Variants in NXPH1 observed in about 807,000 individuals in gnomAD.
The protein encoded by NXPH1 is neurexophilin-1.
Under a neutral mutation model 23.7 loss-of-function variants are expected in NXPH1, and 5 were observed. That is an observed-to-expected ratio of 0.21 (90% CI 0.11 to 0.44). The LOEUF (loss-of-function observed/expected upper bound fraction) is 0.44, where lower values mean the gene tolerates loss of function less well. Among genes scored for constraint, NXPH1 ranks in the 20% least tolerant of loss-of-function variants. The pLI is 0.99. For missense variants in NXPH1, 324 were observed against 321.6 expected, an observed-to-expected ratio of 1.01 and a Z score of -0.06; for synonymous variants, 144 against 122.2, an observed-to-expected ratio of 1.18 and a Z score of -1.18.
chr7:8,563,369 T>C (rs1818481415), intron 2 of NXPH1, among the ~76,000 whole-genome samples: 1 of 151,770 alleles, frequency 6.6e-6, no homozygotes, highest in South Asian at 2.1e-4. Context: ...TTAGAGCTCT[T>C]TGAGAATGCC....
chr7:8,640,855 G>A (rs1820296950), intron 2 of NXPH1, among the ~76,000 whole-genome samples: 1 of 152,074 alleles, frequency 6.6e-6, no homozygotes, highest in African/African-American at 2.4e-5. Flanking sequence ...TCATGGGGCT[G>A]GGGCTGTTGG....
intron 2 of NXPH1, among the ~76,000 whole-genome samples, chr7:8,461,835 T>TGAAAAAAAAA (rs1816701262): frequency 3.4e-5 from 1 of 29,844 alleles, no homozygotes; most frequent in African/African-American, 8.4e-4. Flanking sequence ...AGACTCCGTC[T>TGAAAAAAAAA]CAAAAAAAAA....
In NXPH1 at chr7:8,727,022, G is replaced by T. The variant is rs1780067749; in HGVS notation, c.55-23986G>T. ...GTTGTTTCCTGACTTTTTAATGATT[G>T]TCATTCTAACTGGTGTGAGATGGTA... On this transcript the variant is annotated intron_variant, in intron 2 of 2. Coordinates refer to ENST00000405863, the MANE Select transcript of NXPH1 (RefSeq NM_152745.3). Among the ~76,000 whole-genome samples the T allele has an allele frequency of 2.7e-5, 4 of 146,244 alleles. No homozygotes were observed. In the South Asian group the frequency reaches 8.9e-4, roughly 33 times the overall value.
intron 2 of NXPH1, among the ~76,000 whole-genome samples, chr7:8,532,281 A>G (rs1212331581): frequency 6.6e-6 from 1 of 152,158 alleles, no homozygotes; most frequent in Non-Finnish European, 1.5e-5. Flanking sequence ...GGAACAACAC[A>G]GGATATAATT....
At chr7:8,695,848 C>T (rs1013100990) in intron 2 of NXPH1, among the ~76,000 whole-genome samples, 2 of 152,256 alleles carry the variant, frequency 1.3e-5, no homozygotes, top group East Asian at 1.9e-4. Context: ...TGAGATTAAA[C>T]GTGGTTCCTA....
intron 2 of NXPH1, among the ~76,000 whole-genome samples, chr7:8,553,307 C>G (rs547897002): frequency 2.2e-4 from 32 of 148,358 alleles, no homozygotes; most frequent in Non-Finnish European, 3.9e-4. Context: ...AATGAAAGTT[C>G]CAATTTTTTT....
At chr7:8,744,671 A>G (rs1013975633) in intron 2 of NXPH1, among the ~76,000 whole-genome samples, 5 of 152,192 alleles carry the variant, frequency 3.3e-5, no homozygotes, top group Non-Finnish European at 5.9e-5. Flanking sequence ...ATGACTTCCC[A>G]CAGGCGCTTA....
intron 2 of NXPH1, among the ~76,000 whole-genome samples, chr7:8,558,181 T>A (rs1051906451): frequency 1.4e-4 from 22 of 151,784 alleles, no homozygotes; most frequent in Non-Finnish European, 2.7e-4. Context: ...GGTTTCTTTA[T>A]TATCTATCAG....
chr7:8,528,550 T>C (rs1817901213), intron 2 of NXPH1, among the ~76,000 whole-genome samples: 1 of 152,244 alleles, frequency 6.6e-6, no homozygotes, highest in Non-Finnish European at 1.5e-5. Context: ...TAAGAGTCTT[T>C]ATCTGAAAGG....
At chr7:8,627,304 T>G (rs1043326689) in intron 2 of NXPH1, among the ~76,000 whole-genome samples, 2 of 152,148 alleles carry the variant, frequency 1.3e-5, no homozygotes, top group Non-Finnish European at 2.9e-5. Context: ...AACTACTTGT[T>G]AGTCTAGAAA....
At chr7:8,686,816 A>C (rs568579570) in intron 2 of NXPH1, among the ~76,000 whole-genome samples, 5 of 152,234 alleles carry the variant, frequency 3.3e-5, no homozygotes, top group African/African-American at 1.2e-4. Flanking sequence ...GATAAACTGG[A>C]ACTGTTGTCA....
At chr7:8,452,969 A>C (rs1295221355) in intron 2 of NXPH1, among the ~76,000 whole-genome samples, 2 of 152,112 alleles carry the variant, frequency 1.3e-5, no homozygotes, top group Non-Finnish European at 2.9e-5. Flanking sequence ...TTTTCTGGGG[A>C]AAGTCTCATC....
chr7:8,512,268 T>A (rs1260648488), intron 2 of NXPH1, among the ~76,000 whole-genome samples: 1 of 152,162 alleles, frequency 6.6e-6, no homozygotes, highest in Non-Finnish European at 1.5e-5. Context: ...GAAGGGGTTA[T>A]GAGCTAGATC....
At chr7:8,579,859 TG>T (rs1818832338) in intron 2 of NXPH1, among the ~76,000 whole-genome samples, 2 of 152,086 alleles carry the variant, frequency 1.3e-5, no homozygotes, top group East Asian at 3.8e-4. Context: ...TTAAATCCAT[TG>T]GGGGGCATCT....
At chr7:8,540,229 C>T (rs1818092478) in intron 2 of NXPH1, among the ~76,000 whole-genome samples, 1 of 151,806 alleles carries the variant, frequency 6.6e-6, no homozygotes, top group East Asian at 2.0e-4. Context: ...TCTCCCAATA[C>T]CATGGGAGAG....
intron 2 of NXPH1, among the ~76,000 whole-genome samples, chr7:8,610,464 A>G (rs571342630): frequency 6.6e-6 from 1 of 152,292 alleles, no homozygotes; most frequent in South Asian, 2.1e-4. Flanking sequence ...GACATTTCAG[A>G]AAACATAACT....
chr7:8,613,888 T>C (rs1247905310), intron 2 of NXPH1, among the ~76,000 whole-genome samples: 1 of 151,840 alleles, frequency 6.6e-6, no homozygotes, highest in African/African-American at 2.4e-5. Context: ...ATAAATCACA[T>C]ATAGACTGAA....
intron 2 of NXPH1, among the ~76,000 whole-genome samples, chr7:8,605,619 A>T (rs778899486): frequency 2.0e-4 from 31 of 152,130 alleles, no homozygotes; most frequent in African/African-American, 5.3e-4. Flanking sequence ...TGTCATTATC[A>T]TGCATATAAA....
At chr7:8,470,472 TA>T (rs1208115409) in intron 2 of NXPH1, among the ~76,000 whole-genome samples, 4 of 152,184 alleles carry the variant, frequency 2.6e-5, no homozygotes, top group African/African-American at 9.6e-5. Flanking sequence ...CAGAAATTCA[TA>T]TTTTGCTTGA....
Sources: gnomAD v4.1 joint callset for allele counts (sites outside exome capture counted in the v4.1 genomes callset) on GRCh38, gnomAD v4.1.1 for gene constraint, MANE v1.5 for transcripts, NCBI Gene and HGNC (gene_info 2026-07-23, HGNC 2026-07-21) for gene names.